Variants in MYMX observed in about 807,000 individuals in gnomAD.
The protein encoded by MYMX is protein myomixer.
At chr6:44,200,320 T>A in the MYMX span, among the ~76,000 whole-genome samples, 1 of 152,276 alleles carries the variant, frequency 6.6e-6, no homozygotes, top group South Asian at 2.1e-4. Flanking sequence ...TATTTTATTT[T>A]ATTTTTTATT....
chr6:44,195,183 T>C, the MYMX span, among the ~76,000 whole-genome samples: 1 of 152,046 alleles, frequency 6.6e-6, no homozygotes, highest in Non-Finnish European at 1.5e-5. Flanking sequence ...CAAGCCCAGC[T>C]AATTTTTGTA....
upstream of MYMX, among the ~76,000 whole-genome samples, chr6:44,214,380 G>A (rs920925305): frequency 4.6e-5 from 7 of 152,208 alleles, no homozygotes; most frequent in Non-Finnish European, 1.0e-4. Context: ...TTTGGCCAGG[G>A]TAACTAGAAA....
At chr6:44,211,427 T>C in the MYMX span, among the ~76,000 whole-genome samples, 1 of 152,056 alleles carries the variant, frequency 6.6e-6, no homozygotes, top group African/African-American at 2.4e-5. Flanking sequence ...GGAGGTTATT[T>C]AAGGTTGCTT....
At chr6:44,203,227 G>C in the MYMX span, among the ~76,000 whole-genome samples, 94 of 152,266 alleles carry the variant, frequency 6.2e-4, 1 homozygote, top group African/African-American at 1.9e-3. Context: ...AGTGTGTTTA[G>C]ATCAGTGGAG....
chr6:44,217,345 G>C, intron 1 of MYMX, 105 bp from the exon 2 acceptor site: 1 of 397,672 alleles, frequency 2.5e-6, no homozygotes, highest in Non-Finnish European at 4.4e-6. Flanking sequence ...GTCAGGAGCA[G>C]GAAGGTGTAA....
the MYMX span, among the ~76,000 whole-genome samples, chr6:44,193,817 T>A: frequency 8.6e-4 from 131 of 152,246 alleles, no homozygotes; most frequent in Non-Finnish European, 1.4e-3. Flanking sequence ...AAAACCTGTC[T>A]CTACTAAAAA....
At chr6:44,204,726 C>G in the MYMX span, among the ~76,000 whole-genome samples, 87 of 152,268 alleles carry the variant, frequency 5.7e-4, 1 homozygote, top group Middle Eastern at 0.01. Flanking sequence ...CTCCATCACC[C>G]CTAGAGGCCC....
At chr6:44,195,380 C>T in the MYMX span, among the ~76,000 whole-genome samples, 1 of 152,166 alleles carries the variant, frequency 6.6e-6, no homozygotes, top group Non-Finnish European at 1.5e-5. Context: ...CCTCCTGTCC[C>T]TGTGGAACAT....
the MYMX span, chr6:44,209,904 T>G: frequency 1.4e-5 from 2 of 143,524 alleles, no homozygotes; most frequent in South Asian, 2.2e-4. Flanking sequence ...AGAGCAAGAC[T>G]CTGTGTCAAA....
chr6:44,208,741 C>T, the MYMX span, among the ~76,000 whole-genome samples: 1 of 152,220 alleles, frequency 6.6e-6, no homozygotes, highest in Non-Finnish European at 1.5e-5. Flanking sequence ...GCAAGGATCA[C>T]TTTGCTGTTC....
At chr6:44,198,322 C>T in the MYMX span, among the ~76,000 whole-genome samples, 6 of 151,002 alleles carry the variant, frequency 4.0e-5, no homozygotes, top group Non-Finnish European at 7.4e-5. Flanking sequence ...GCCACTACCA[C>T]GCCCGGCTAA....
chr6:44,215,545 C>T (rs1303870764), upstream of MYMX, among the ~76,000 whole-genome samples: 1 of 151,878 alleles, frequency 6.6e-6, no homozygotes, highest in Non-Finnish European at 1.5e-5. Context: ...GGCACTCCAG[C>T]CTGGGTGACA....
the MYMX span, among the ~76,000 whole-genome samples, chr6:44,193,124 T>C: frequency 6.6e-6 from 1 of 152,138 alleles, no homozygotes; most frequent in Non-Finnish European, 1.5e-5. Flanking sequence ...AGTTTACTCA[T>C]CTGTCAAGGA....
the MYMX span, chr6:44,210,100 C>G: frequency 6.7e-6 from 1 of 149,918 alleles, no homozygotes; most frequent in Non-Finnish European, 1.5e-5. Flanking sequence ...CACCTGCCAC[C>G]ACGCCCAGCT....
At chr6:44,212,144 AGGCTGAGGCGGGAGGGTCACTTG>A (rs535461182), upstream of MYMX, among the ~76,000 whole-genome samples, 297 of 152,002 alleles carry the variant, frequency 2.0e-3, 1 homozygote, top group African/African-American at 6.4e-3. Flanking sequence ...GCACTTTGAG[AGGCTGAGGCGGGAGGGTCACTTG>A]GGCTGAGGCG....
upstream of MYMX, among the ~76,000 whole-genome samples, chr6:44,212,870 A>AC (rs1775668561): frequency 6.6e-6 from 1 of 151,460 alleles, no homozygotes; most frequent in Non-Finnish European, 1.5e-5. Context: ...CAAAAAAAAA[A>AC]AAAAAACAAA....
upstream of MYMX, among the ~76,000 whole-genome samples, chr6:44,214,713 T>C (rs139063047): frequency 3.2e-4 from 48 of 152,290 alleles, no homozygotes; most frequent in East Asian, 8.5e-3. Context: ...GCTGGGACTA[T>C]AGGCGCATGC....
the MYMX span, among the ~76,000 whole-genome samples, chr6:44,207,412 T>A: frequency 6.6e-6 from 1 of 152,226 alleles, no homozygotes; most frequent in Non-Finnish European, 1.5e-5. Flanking sequence ...ATGCTGGGAT[T>A]ACAGGCATGA....
At chr6:44,196,020 A>G in the MYMX span, among the ~76,000 whole-genome samples, 25 of 151,960 alleles carry the variant, frequency 1.6e-4, no homozygotes, top group South Asian at 5.2e-3. Context: ...TCAGCTCACT[A>G]CAACTTCTGC....
Sources: allele counts gnomAD v4.1 joint callset (sites outside exome capture counted in the v4.1 genomes callset), GRCh38; gene constraint gnomAD v4.1.1; transcripts MANE v1.5; gene names NCBI Gene and HGNC (gene_info 2026-07-23, HGNC 2026-07-21).